FHIT: variants seen among roughly 807,000 people sequenced by gnomAD.
FHIT encodes the protein fragile histidine triad diadenosine triphosphatase.
In FHIT, 19 loss-of-function variants were observed where a neutral mutation model predicts 17.9. That is an observed-to-expected ratio of 1.06 (90% CI 0.74 to 1.56). FHIT has a LOEUF of 1.56. Ranked by LOEUF, FHIT falls within the 40% of genes most tolerant of loss-of-function variation. FHIT has a pLI of 0.00. For missense variants in FHIT, 248 were observed against 189.2 expected (o/e 1.31, Z -1.82); for synonymous variants, 81 against 69.7 (o/e 1.16, Z -0.81).
intron 4 of FHIT, among the ~76,000 whole-genome samples, chr3:60,712,171 C>A (rs2041553164): frequency 1.3e-5 from 2 of 152,054 alleles, no homozygotes; most frequent in South Asian, 4.2e-4. Context: ...TCCAGCCAAA[C>A]AAACTAAGCT....
chr3:60,205,369 G>A (rs770135653), intron 5 of FHIT, among the ~76,000 whole-genome samples: 1 of 152,134 alleles, frequency 6.6e-6, no homozygotes, highest in Non-Finnish European at 1.5e-5. Flanking sequence ...ATATTAGCAG[G>A]TTGACAAATA....
At chr3:61,049,646 T>TA (rs1490019246) in intron 2 of FHIT, among the ~76,000 whole-genome samples, 9 of 152,282 alleles carry the variant, frequency 5.9e-5, no homozygotes, top group Admixed American at 3.3e-4. Context: ...TATTCTTGCC[T>TA]AAAAAATCTC....
chr3:60,353,891 GC>G (rs1559846152), intron 5 of FHIT, among the ~76,000 whole-genome samples: 1 of 152,050 alleles, frequency 6.6e-6, no homozygotes. Context: ...TCAGCTGATA[GC>G]TTTTTTAGAG....
intron 5 of FHIT, among the ~76,000 whole-genome samples, chr3:60,083,037 C>G (rs1703356536): frequency 6.6e-6 from 1 of 152,102 alleles, no homozygotes; most frequent in African/African-American, 2.4e-5. Flanking sequence ...AATTATTTCC[C>G]AAGGCTGATG....
At chr3:59,862,397 G>A (rs901422230) in intron 8 of FHIT, among the ~76,000 whole-genome samples, 1 of 152,204 alleles carries the variant, frequency 6.6e-6, no homozygotes, top group Non-Finnish European at 1.5e-5. Flanking sequence ...AATTTGAGAT[G>A]AGATTTGGGT....
chr3:60,432,728 G>A (rs575123663), intron 5 of FHIT, among the ~76,000 whole-genome samples: 11 of 152,198 alleles, frequency 7.2e-5, no homozygotes, highest in South Asian at 6.2e-4. Flanking sequence ...ACTGGGGGAA[G>A]CATTGGTGAC....
chr3:61,221,507 TAAA>T (rs2039837515), intron 1 of FHIT, among the ~76,000 whole-genome samples: 1 of 152,190 alleles, frequency 6.6e-6, no homozygotes, highest in African/African-American at 2.4e-5. Flanking sequence ...GCCTTAGACT[TAAA>T]AAGTCATTCA....
intron 8 of FHIT, among the ~76,000 whole-genome samples, chr3:59,843,219 C>A (rs1398304372): frequency 6.6e-6 from 1 of 152,118 alleles, no homozygotes; most frequent in African/African-American, 2.4e-5. Flanking sequence ...AATCATTTGA[C>A]CACATATGTG....
chr3:60,003,842 G>A (rs925393212), intron 7 of FHIT, among the ~76,000 whole-genome samples: 1 of 147,332 alleles, frequency 6.8e-6, no homozygotes, highest in African/African-American at 2.5e-5. Flanking sequence ...TGATTAATTG[G>A]GCTGCATTTA....
intron 4 of FHIT, among the ~76,000 whole-genome samples, chr3:60,819,752 C>T (rs1050923284): frequency 7.2e-5 from 11 of 152,020 alleles, no homozygotes; most frequent in African/African-American, 2.2e-4. Flanking sequence ...ACCAGAGTTC[C>T]GAGAGGTTGA....
intron 5 of FHIT, among the ~76,000 whole-genome samples, chr3:60,255,426 C>T (rs984838398): frequency 9.2e-5 from 14 of 152,116 alleles, no homozygotes; most frequent in South Asian, 2.1e-4. Flanking sequence ...GTACTGAAAA[C>T]GAGTAAAGTA....
At chr3:60,544,138 T>C (rs935755561) in intron 4 of FHIT, among the ~76,000 whole-genome samples, 1 of 151,736 alleles carries the variant, frequency 6.6e-6, no homozygotes, top group Non-Finnish European at 1.5e-5. Flanking sequence ...TACTTTCATG[T>C]TTCTTTGTCA....
At chr3:60,355,729 T>G (rs986845736) in intron 5 of FHIT, among the ~76,000 whole-genome samples, 6 of 152,192 alleles carry the variant, frequency 3.9e-5, no homozygotes, top group Admixed American at 3.3e-4. Flanking sequence ...CAAATTTTTT[T>G]TTAAATTTAT....
At chr3:60,399,481 G>C (rs1701578863) in intron 5 of FHIT, among the ~76,000 whole-genome samples, 1 of 152,120 alleles carries the variant, frequency 6.6e-6, no homozygotes. Flanking sequence ...CTGATCTCAA[G>C]TCTTCTGACT....
chr3:61,028,754 A>G (rs1481287088), intron 3 of FHIT, among the ~76,000 whole-genome samples: 1 of 152,194 alleles, frequency 6.6e-6, no homozygotes, highest in Non-Finnish European at 1.5e-5. Flanking sequence ...TGCTCACTCA[A>G]TGAACATTAC....
chr3:60,966,469 C>T (rs185915756), intron 3 of FHIT, among the ~76,000 whole-genome samples: 25 of 152,298 alleles, frequency 1.6e-4, no homozygotes, highest in East Asian at 3.9e-4. Flanking sequence ...TGAGATGAAC[C>T]GGGTACCTCA....
intron 5 of FHIT, among the ~76,000 whole-genome samples, chr3:60,335,755 C>G (rs894427685): frequency 1.3e-5 from 2 of 151,938 alleles, no homozygotes; most frequent in Admixed American, 1.3e-4. Flanking sequence ...GTTGGATAAA[C>G]TATATTAAAT....
At chr3:60,291,310 G>T (rs984137435) in intron 5 of FHIT, among the ~76,000 whole-genome samples, 8 of 152,068 alleles carry the variant, frequency 5.3e-5, no homozygotes, top group African/African-American at 1.9e-4. Context: ...TTTGTATAGG[G>T]CATGAAAAAC....
chr3:59,813,283 A>G (rs1372132731), intron 8 of FHIT, among the ~76,000 whole-genome samples: 2 of 152,128 alleles, frequency 1.3e-5, no homozygotes, highest in African/African-American at 4.8e-5. Flanking sequence ...TTATGTTAAC[A>G]CTTTGATGGG....
Sources: gnomAD v4.1 joint callset for allele counts (sites outside exome capture counted in the v4.1 genomes callset) on GRCh38, gnomAD v4.1.1 for gene constraint, MANE v1.5 for transcripts, NCBI Gene and HGNC (gene_info 2026-07-23, HGNC 2026-07-21) for gene names.